The following G2E3 variants were observed in gnomAD, a reference collection of about 807,000 sequenced individuals.
G2E3 encodes G2/M phase-specific E3 ubiquitin-protein ligase.
Under a neutral mutation model 92.8 loss-of-function variants are expected in G2E3, and 35 were observed. That is an observed-to-expected ratio of 0.38 (90% confidence interval 0.29 to 0.50). The LOEUF is 0.50. Among genes scored for constraint, G2E3 ranks in the 20% least tolerant of loss-of-function variants. G2E3 has a pLI of 0.94. For missense variants in G2E3, 554 were observed against 823.8 expected, an observed-to-expected ratio of 0.67 and a Z score of 4.01; for synonymous variants, 242 against 272.4, an observed-to-expected ratio of 0.89 and a Z score of 1.10.
At chr14:30,611,855 T>C (rs988805948) in intron 12 of G2E3, 1 of 165,620 alleles carries the variant, frequency 6.0e-6, no homozygotes, top group African/African-American at 2.4e-5. Flanking sequence ...GCTAGCTGTG[T>C]TGCCCAGGAT....
intron 3 of G2E3, among the ~76,000 whole-genome samples, chr14:30,587,670 G>A (rs10130571): frequency 0.057 from 8,728 of 152,016 alleles, 817 homozygotes; most frequent in African/African-American, 0.2. Flanking sequence ...GTGGCTTTTG[G>A]CCTCAATTTC....
chr14:30,610,401 G>A (rs1055556104), intron 12 of G2E3, among the ~76,000 whole-genome samples: 1 of 152,160 alleles, frequency 6.6e-6, no homozygotes, highest in South Asian at 2.1e-4. Flanking sequence ...GATCACCGGG[G>A]TCAGCAGTTC....
intron 1 of G2E3, among the ~76,000 whole-genome samples, chr14:30,565,655 T>C (rs945647612): frequency 5.1e-5 from 4 of 77,902 alleles, no homozygotes; most frequent in Non-Finnish European, 1.1e-4. Context: ...CATTCCTTTT[T>C]TTTTTTTTTT....
intron 1 of G2E3, among the ~76,000 whole-genome samples, chr14:30,570,263 T>G (rs954650986): frequency 6.6e-6 from 1 of 152,196 alleles, no homozygotes; most frequent in African/African-American, 2.4e-5. Context: ...GTCTTTGTTT[T>G]TGTCAGTTTG....
At chr14:30,601,647 A>G in intron 8 of G2E3, 123 bp from the exon 9 acceptor site, 1 of 864,856 alleles carries the variant, frequency 1.2e-6, no homozygotes, top group Non-Finnish European at 1.9e-6. Flanking sequence ...TTCTTCCTTT[A>G]GTAAATCGAT....
Position 30,601,879 on chromosome 14 carries a change from A to G in G2E3, c.862A>G (p.Ile288Val). The change falls in exon 9 of 15, where the codon ATT (isoleucine) becomes GTT (valine). Residue 288 changes from isoleucine (I) to valine (V), a missense_variant. Ile to Val is a conservative substitution (Grantham distance 29). Coordinates refer to ENST00000206595, the MANE Select transcript of G2E3 (RefSeq NM_017769.5). ...QNWECLECRG[I>V]IYNSGEFQKA... is the part of the protein sequence containing the mutation. The stretch of plus-strand genomic sequence containing the variant: ...TTGGGAGTGTTTGGAATGTAGGGGT[A>G]TTATCTACAATTCAGGTAATTTTTT... 1 of 1,612,986 alleles carries G rather than the reference A, an allele frequency of 6.2e-7. No individual in the cohort carries two copies.
intron 1 of G2E3, among the ~76,000 whole-genome samples, chr14:30,569,586 C>T (rs1291747267): frequency 6.6e-6 from 1 of 152,012 alleles, no homozygotes; most frequent in Non-Finnish European, 1.5e-5. Context: ...GACAGAATAG[C>T]CTTTATTGCC....
chr14:30,578,067 T>C (rs375540351), intron 1 of G2E3, among the ~76,000 whole-genome samples: 6 of 152,278 alleles, frequency 3.9e-5, no homozygotes, highest in East Asian at 3.9e-4. Context: ...AAAGAAATTA[T>C]GAAATTCAAC....
intron 2 of G2E3, among the ~76,000 whole-genome samples, chr14:30,583,297 A>G (rs1880531393): frequency 6.6e-6 from 1 of 152,222 alleles, no homozygotes; most frequent in South Asian, 2.1e-4. Context: ...TGTATATGTC[A>G]TATCCTGTTA....
Position 30,619,189 on chromosome 14 carries a change from CTT to C in G2E3, c.*2661_*2662del, listed in dbSNP as rs1033405222. On this transcript the variant is annotated 3_prime_UTR_variant, in exon 15 of 15. Coordinates refer to ENST00000206595, the MANE Select transcript of G2E3 (RefSeq NM_017769.5). ...TAGTTTCTGTAATTTGAGGAAGTGA[CTT>C]TTTTTGTTTGGGTTAAGTAAAAAGC... is the stretch of plus-strand genomic sequence containing the variant. The C allele has an allele frequency of 6.6e-6, 1 of 151,952 alleles. No homozygotes were observed. Among genetic ancestry groups the C allele is most frequent in the Admixed American group, 6.6e-5 (1 of 15,260 alleles). The allele number at this position is 151,952 out of a possible 1,614,324, so 9.4% of individuals were successfully genotyped here.
chr14:30,592,577 A>G (rs1402842703), intron 5 of G2E3, 130 bp downstream of exon 5: 11 of 642,954 alleles, frequency 1.7e-5, no homozygotes, highest in Non-Finnish European at 2.8e-5. Flanking sequence ...CATTATATGT[A>G]TTACCCTCCC....
At chr14:30,571,500 A>G (rs762475074) in intron 1 of G2E3, among the ~76,000 whole-genome samples, 1 of 151,978 alleles carries the variant, frequency 6.6e-6, no homozygotes, top group African/African-American at 2.4e-5. Flanking sequence ...TCAGTTTCCT[A>G]AGAAATCTTT....
At position 30,617,233 on chromosome 14, in the gene G2E3, C is replaced by CAAT. The variant is rs1315971891; in HGVS notation, c.*700_*702dup. ...GAATCGAGATACTCAGCCAGCCTGG[C>CAAT]AATGTAGCAAAGACTCCATCTCAAA... On this transcript the variant is annotated 3_prime_UTR_variant, in exon 15 of 15. Transcript: ENST00000206595. 1 of 151,110 alleles carries CAAT rather than the reference C, an allele frequency of 6.6e-6. No homozygotes were observed. The highest frequency in any genetic ancestry group is 2.4e-5 in the African/African-American group (1 of 41,074). 9.4% of individuals were successfully genotyped at this position (151,110 alleles called of 1,614,324 possible). A position where few individuals can be genotyped will look rare whatever the true frequency, so the allele number is the denominator to read the frequency against.
At chr14:30,582,508 G>A (rs369165140) in intron 2 of G2E3, among the ~76,000 whole-genome samples, 1 of 152,078 alleles carries the variant, frequency 6.6e-6, no homozygotes, top group Non-Finnish European at 1.5e-5. Flanking sequence ...CTCCATCCAG[G>A]GTTCATGGCA....
In G2E3 at chr14:30,616,489, T is replaced by G. The variant is rs1882321020; in HGVS notation, c.2076T>G (p.Thr692=). 1 of 1,602,922 alleles carries G rather than the reference T, an allele frequency of 6.2e-7. No homozygotes were observed. Among genetic ancestry groups the G allele is most frequent in the African/African-American group, 1.3e-5 (1 of 74,614 alleles). The change falls in exon 15 of 15, where the codon ACT becomes ACG. Residue 692 remains threonine (T), a synonymous_variant. Coordinates refer to ENST00000206595, the MANE Select transcript of G2E3 (RefSeq NM_017769.5). ...QENMDFTIRN[T]LRLEKEESSH... The stretch of plus-strand genomic sequence containing the variant: ...ATATGGACTTCACCATAAGAAACAC[T>G]CTAAGACTAGAAAAGGAAGAAAGTT...
chr14:30,589,334 C>G, intron 3 of G2E3, 49 bp from the exon 4 acceptor site: 1 of 1,038,958 alleles, frequency 9.6e-7, no homozygotes, highest in Non-Finnish European at 1.5e-6. Flanking sequence ...TTTTTTAATG[C>G]CCAACTAGTT....
intron 5 of G2E3, among the ~76,000 whole-genome samples, chr14:30,592,740 T>C (rs1881083154): frequency 6.6e-6 from 1 of 152,180 alleles, no homozygotes; most frequent in Non-Finnish European, 1.5e-5. Context: ...ATCTCCACCT[T>C]TACATAATTC....
intron 1 of G2E3, among the ~76,000 whole-genome samples, chr14:30,579,118 A>G (rs1008481939): frequency 6.6e-6 from 1 of 152,150 alleles, no homozygotes; most frequent in African/African-American, 2.4e-5. Flanking sequence ...CAAAAGCGCC[A>G]TCGTATACCT....
At position 30,612,209 on chromosome 14, in the gene G2E3, A is replaced by G. The variant is rs751924171; in HGVS notation, c.1503A>G (p.Ile501Met). 1 of 1,606,274 alleles carries G rather than the reference A, an allele frequency of 6.2e-7. No individual in the cohort carries two copies. The highest frequency in any genetic ancestry group is 1.7e-5 in the Admixed American group (1 of 59,734). Residue 501 changes from isoleucine to methionine, a missense_variant and splice_region_variant, in exon 13 of 15, where the codon ATA becomes ATG. Transcript: ENST00000206595. ...CTGTATTTTCTCCTTCATTACAGAT[A>G]AATACTGCAACAACTGTAGCTGACT... The part of the protein sequence containing the change: ...DFDVAQIIIR[I>M]NTATTVADLK...
Sources: allele counts gnomAD v4.1 joint callset (sites outside exome capture counted in the v4.1 genomes callset), GRCh38; gene constraint gnomAD v4.1.1; transcripts MANE v1.5; gene names NCBI Gene and HGNC (gene_info 2026-07-23, HGNC 2026-07-21).